DCDC2C: variants seen among roughly 807,000 people sequenced by gnomAD.
DCDC2C encodes doublecortin domain containing 2C, also known as doublecortin domain-containing protein 2C.
In DCDC2C, 44 loss-of-function variants were observed where a neutral mutation model predicts 45.0. The ratio of observed to expected loss-of-function variants is 0.98; its 90% CI spans 0.77 to 1.26. DCDC2C has a LOEUF of 1.26. Ranked by LOEUF, DCDC2C falls within the 50% of genes most tolerant of loss-of-function variation. DCDC2C has a pLI of 0.00. For synonymous variants in DCDC2C, 187 were observed against 178.8 expected (o/e 1.05, Z -0.37); for missense variants, 447 against 468.9 (o/e 0.95, Z 0.43).
chr2:3,773,038 C>G (rs1428350795), intron 8 of DCDC2C, among the ~76,000 whole-genome samples: 1 of 152,148 alleles, frequency 6.6e-6, no homozygotes, highest in Non-Finnish European at 1.5e-5. Flanking sequence ...CCTGGGTCAT[C>G]AAAGTGGGAA....
intron 4 of DCDC2C, among the ~76,000 whole-genome samples, chr2:3,750,759 C>T (rs954067015): frequency 1.5e-4 from 23 of 152,176 alleles, no homozygotes; most frequent in African/African-American, 3.9e-4. Flanking sequence ...GGCTTGTCCT[C>T]TTTCCTCAAT....
intron 8 of DCDC2C, among the ~76,000 whole-genome samples, chr2:3,778,571 G>A (rs1012349806): frequency 2.0e-5 from 3 of 152,124 alleles, no homozygotes; most frequent in Admixed American, 6.5e-5. Flanking sequence ...TCTCTGGAGC[G>A]CCCACGCCAC....
intron 9 of DCDC2C, among the ~76,000 whole-genome samples, chr2:3,779,584 A>T (rs1670453746): frequency 6.6e-6 from 1 of 152,074 alleles, no homozygotes. Context: ...CTGTCTGTGG[A>T]TCTTTATTTT....
intron 4 of DCDC2C, among the ~76,000 whole-genome samples, chr2:3,746,670 T>A (rs539239048): frequency 2.0e-5 from 3 of 152,252 alleles, no homozygotes; most frequent in South Asian, 4.1e-4. Flanking sequence ...ACAAAACATC[T>A]GGAAGAACAT....
At chr2:3,778,783 T>C in intron 8 of DCDC2C, 33 bp from the exon 9 acceptor site, 1 of 1,541,160 alleles carries the variant, frequency 6.5e-7, no homozygotes, top group Non-Finnish European at 8.8e-7. Flanking sequence ...TCCACATAAG[T>C]AGTTGATAAA....
intron 10 of DCDC2C, among the ~76,000 whole-genome samples, chr2:3,807,813 G>T (rs1671290809): frequency 6.6e-6 from 1 of 152,070 alleles, no homozygotes; most frequent in African/African-American, 2.4e-5. Flanking sequence ...GAGTGTCATA[G>T]GCTGGAATTA....
intron 10 of DCDC2C, among the ~76,000 whole-genome samples, chr2:3,825,715 A>ATAT (rs1173635907): frequency 1.3e-5 from 2 of 152,086 alleles, no homozygotes; most frequent in African/African-American, 2.4e-5. Flanking sequence ...TTATTTAGAC[A>ATAT]GTGGGGATCC....
At chr2:3,831,104 G>A (rs1457712408) in intron 10 of DCDC2C, among the ~76,000 whole-genome samples, 3 of 152,206 alleles carry the variant, frequency 2.0e-5, no homozygotes, top group East Asian at 3.9e-4. Context: ...TGACTGCACC[G>A]AGAAGGAACA....
intron 2 of DCDC2C, among the ~76,000 whole-genome samples, chr2:3,711,880 G>A (rs1006442756): frequency 8.5e-5 from 13 of 152,204 alleles, no homozygotes; most frequent in African/African-American, 2.9e-4. Flanking sequence ...CAGCGTGTGA[G>A]ATGCCCAACA....
At chr2:3,705,534 A>C (rs1668044241) in intron 1 of DCDC2C, among the ~76,000 whole-genome samples, 1 of 152,234 alleles carries the variant, frequency 6.6e-6, no homozygotes, top group East Asian at 1.9e-4. Context: ...ATACATATAT[A>C]ATGAAAAGTA....
chr2:3,739,604 T>G (rs1669140482), intron 3 of DCDC2C, among the ~76,000 whole-genome samples: 1 of 152,230 alleles, frequency 6.6e-6, no homozygotes, highest in Admixed American at 6.5e-5. Context: ...AGAGGAGTGC[T>G]GGGGTTCCGA....
At chr2:3,729,119 G>A (rs928238119) in intron 3 of DCDC2C, among the ~76,000 whole-genome samples, 9 of 152,214 alleles carry the variant, frequency 5.9e-5, no homozygotes, top group Non-Finnish European at 1.0e-4. Flanking sequence ...TGAGCCTTGG[G>A]AGAAAAAGCG....
chr2:3,730,682 A>G (rs1030692397), intron 3 of DCDC2C, among the ~76,000 whole-genome samples: 5 of 152,174 alleles, frequency 3.3e-5, no homozygotes, highest in African/African-American at 1.2e-4. Context: ...GGTTCATATT[A>G]TTACTAACAG....
chr2:3,811,923 A>G (rs1261185195), intron 10 of DCDC2C, among the ~76,000 whole-genome samples: 1 of 152,238 alleles, frequency 6.6e-6, no homozygotes, highest in Non-Finnish European at 1.5e-5. Flanking sequence ...CATCGCAGGG[A>G]GGAAGCTGAC....
At chr2:3,788,164 A>G (rs1450344564) in intron 10 of DCDC2C, among the ~76,000 whole-genome samples, 1 of 152,134 alleles carries the variant, frequency 6.6e-6, no homozygotes, top group Non-Finnish European at 1.5e-5. Context: ...CTCACTGGCT[A>G]TTTTTTTGAC....
chr2:3,709,343 G>A (rs995120183), intron 2 of DCDC2C, among the ~76,000 whole-genome samples: 1 of 152,186 alleles, frequency 6.6e-6, no homozygotes, highest in African/African-American at 2.4e-5. Flanking sequence ...GGTAAAATCT[G>A]TATAATGTGC....
intron 2 of DCDC2C, among the ~76,000 whole-genome samples, chr2:3,725,771 TG>T (rs1395595232): frequency 0.014 from 153 of 11,046 alleles, no homozygotes; most frequent in Admixed American, 0.021. Context: ...GTGATGAGGG[TG>T]GCCAGGTGGA....
At position 3,709,234 on chromosome 2, in the gene DCDC2C, T is replaced by A. The variant is rs181466591; in HGVS notation, c.339+634T>A. 1.6e-3 allele frequency among the ~76,000 whole-genome samples: 241 copies of A among 152,342 alleles called. 2 individuals carry two copies. The highest frequency in any genetic ancestry group is 1.5e-3 in the East Asian group (8 of 5,184). On this transcript the variant is annotated intron_variant, in intron 2 of 10. Transcript: ENST00000399143. ...ACACAGGTGAGTTATTTTGAGGGTA[T>A]CTACTTCTCTAAGTTGCAATGTTGC...
chr2:3,802,349 G>A (rs1434913375), intron 10 of DCDC2C, among the ~76,000 whole-genome samples: 1 of 152,214 alleles, frequency 6.6e-6, no homozygotes, highest in Non-Finnish European at 1.5e-5. Context: ...TGTTGAGATG[G>A]CCTCTTGCTC....
Sources: allele counts gnomAD v4.1 joint callset (sites outside exome capture counted in the v4.1 genomes callset), GRCh38; gene constraint gnomAD v4.1.1; transcripts MANE v1.5; gene names NCBI Gene and HGNC (gene_info 2026-07-23, HGNC 2026-07-21).